The following SPIDR variants were observed in gnomAD, a reference collection of about 807,000 sequenced individuals.
SPIDR encodes DNA repair-scaffolding protein.
Under a neutral mutation model 104.6 loss-of-function variants are expected in SPIDR, and 93 were observed. That is an observed-to-expected ratio of 0.89 (90% CI 0.75 to 1.06). SPIDR has a LOEUF of 1.06. Ranked by LOEUF, SPIDR falls within the 50% of genes least tolerant of loss-of-function variation. The pLI, the probability that SPIDR is intolerant of heterozygous loss-of-function variation, is 0.00. For missense variants in SPIDR, 1,154 were observed against 1,111.2 expected, an observed-to-expected ratio of 1.04 and a Z score of -0.55; for synonymous variants, 431 against 416.9, an observed-to-expected ratio of 1.03 and a Z score of -0.41.
At chr8:47,692,406 T>A (rs2078781133) in intron 11 of SPIDR, among the ~76,000 whole-genome samples, 1 of 151,942 alleles carries the variant, frequency 6.6e-6, no homozygotes, top group Non-Finnish European at 1.5e-5. Flanking sequence ...AGTGGAACCA[T>A]ACAGATGTGA....
At chr8:47,469,170 A>G (rs1282274569) in intron 8 of SPIDR, among the ~76,000 whole-genome samples, 1 of 152,236 alleles carries the variant, frequency 6.6e-6, no homozygotes, top group African/African-American at 2.4e-5. Flanking sequence ...TAGAATGGCT[A>G]TTATTAAAAA....
At chr8:47,462,009 A>T (rs2074020949) in intron 8 of SPIDR, among the ~76,000 whole-genome samples, 1 of 151,620 alleles carries the variant, frequency 6.6e-6, no homozygotes. Flanking sequence ...ATATTACCGG[A>T]ATTGTTTTTC....
intron 6 of SPIDR, among the ~76,000 whole-genome samples, chr8:47,399,298 A>G (rs535018792): frequency 1.1e-4 from 17 of 152,320 alleles, no homozygotes; most frequent in African/African-American, 4.1e-4. Context: ...GTGTGCACCC[A>G]TGGCCAGGGC....
At chr8:47,586,254 A>G (rs569683396) in intron 8 of SPIDR, among the ~76,000 whole-genome samples, 46 of 152,318 alleles carry the variant, frequency 3.0e-4, no homozygotes, top group African/African-American at 1.1e-3. Context: ...GCCCAGGAGT[A>G]CAAATGCTAG....
intron 8 of SPIDR, chr8:47,547,320 G>A: frequency 1.3e-5 from 7 of 534,194 alleles, no homozygotes; most frequent in Admixed American, 1.1e-4. Flanking sequence ...TCTAGTCAAT[G>A]CCCATGACAT....
chr8:47,264,071 C>T (rs1246717815), intron 1 of SPIDR, among the ~76,000 whole-genome samples: 1 of 152,136 alleles, frequency 6.6e-6, no homozygotes, highest in Non-Finnish European at 1.5e-5. Context: ...GGAGGAAATA[C>T]CCTAGTCCGA....
At chr8:47,670,110 TG>T (rs2075598792) in intron 10 of SPIDR, among the ~76,000 whole-genome samples, 1 of 152,034 alleles carries the variant, frequency 6.6e-6, no homozygotes, top group Non-Finnish European at 1.5e-5. Flanking sequence ...GGGGCCACCA[TG>T]GGTTGTTCTC....
chr8:47,716,165 GGC>G (rs1019794143), intron 16 of SPIDR, among the ~76,000 whole-genome samples: 11 of 152,002 alleles, frequency 7.2e-5, no homozygotes, highest in African/African-American at 2.4e-4. Context: ...TTGCCGTGTT[GGC>G]CAGGCTGGTC....
chr8:47,709,033 C>T (rs944256511), intron 14 of SPIDR, among the ~76,000 whole-genome samples: 4 of 150,842 alleles, frequency 2.7e-5, no homozygotes, highest in East Asian at 1.9e-4. Flanking sequence ...AATGGAGTGA[C>T]GCAATCTTGG....
chr8:47,326,642 C>T (rs1373036542), intron 5 of SPIDR, among the ~76,000 whole-genome samples: 1 of 152,194 alleles, frequency 6.6e-6, no homozygotes, highest in Admixed American at 6.6e-5. Flanking sequence ...TCCTTGGTAA[C>T]ACCAGTCTGC....
chr8:47,505,268 C>T (rs1156348622), intron 8 of SPIDR, among the ~76,000 whole-genome samples: 4 of 152,176 alleles, frequency 2.6e-5, no homozygotes, highest in Admixed American at 2.0e-4. Context: ...CCTCCTTGAG[C>T]TGCGGTGGGC....
intron 8 of SPIDR, among the ~76,000 whole-genome samples, chr8:47,501,487 T>C (rs1564155963): frequency 1.3e-5 from 2 of 152,196 alleles, no homozygotes; most frequent in Non-Finnish European, 2.9e-5. Flanking sequence ...TTTTGCACAT[T>C]GATTTTGTAT....
intron 8 of SPIDR, among the ~76,000 whole-genome samples, chr8:47,564,172 G>A (rs868029652): frequency 2.1e-5 from 3 of 141,614 alleles, no homozygotes; most frequent in South Asian, 2.3e-4. Context: ...TCCACCTCCC[G>A]GGTTCAAGCG....
chr8:47,439,188 A>G (rs1337429622), intron 7 of SPIDR, among the ~76,000 whole-genome samples: 1 of 152,192 alleles, frequency 6.6e-6, no homozygotes, highest in Non-Finnish European at 1.5e-5. Flanking sequence ...AATAGAAACA[A>G]TATGACACAT....
At chr8:47,399,631 G>C (rs1554661040) in intron 6 of SPIDR, among the ~76,000 whole-genome samples, 1 of 152,176 alleles carries the variant, frequency 6.6e-6, no homozygotes, top group Non-Finnish European at 1.5e-5. Flanking sequence ...CTGAGTTTGA[G>C]ACCTATCAGC....
chr8:47,441,575 A>C (rs782224855), intron 8 of SPIDR, among the ~76,000 whole-genome samples: 1 of 150,872 alleles, frequency 6.6e-6, no homozygotes, highest in Non-Finnish European at 1.5e-5. Context: ...CCCATTTACC[A>C]TTTGACTTTT....
At chr8:47,611,587 AC>A (rs887765785) in intron 10 of SPIDR, among the ~76,000 whole-genome samples, 1 of 152,062 alleles carries the variant, frequency 6.6e-6, no homozygotes, top group African/African-American at 2.4e-5. Context: ...AGTCCCAGCT[AC>A]TTGGGAGGCT....
rs956592771 is a variant in SPIDR at position 47,701,949 on chromosome 8, T to A, written c.1918-7T>A. On this transcript the variant is annotated splice_polypyrimidine_tract_variant and splice_region_variant and intron_variant, in intron 13 of 19. Transcript: ENST00000297423. ...AATGCTGCCAACCTTTTCTAATTCC[T>A]TTCCAGATGAATGATCTTGGTACCC... 5.0e-6 allele frequency: 8 copies of A among 1,614,064 alleles called. No individual in the cohort carries two copies. Among genetic ancestry groups the A allele is most frequent in the Non-Finnish European group, 5.9e-6 (7 of 1,180,048 alleles).
At chr8:47,547,362 T>G in intron 8 of SPIDR, 1 of 397,402 alleles carries the variant, frequency 2.5e-6, no homozygotes, top group Non-Finnish European at 5.0e-6. Context: ...TTATATCAGT[T>G]CGAACGTTGC....
Sources: gnomAD v4.1 joint callset for allele counts (sites outside exome capture counted in the v4.1 genomes callset) on GRCh38, gnomAD v4.1.1 for gene constraint, MANE v1.5 for transcripts, NCBI Gene and HGNC (gene_info 2026-07-23, HGNC 2026-07-21) for gene names.